The following ONECUT2 variants were observed in gnomAD, a reference collection of about 807,000 sequenced individuals.
ONECUT2 encodes the protein one cut domain family member 2.
A neutral mutation model predicts 27.9 loss-of-function variants in ONECUT2; 10 were observed. The ratio of observed to expected loss-of-function variants is 0.36; its 90% CI spans 0.22 to 0.61. The LOEUF is 0.61. Ranked by LOEUF, ONECUT2 falls within the 20% of genes least tolerant of loss-of-function variation. The probability of loss-of-function intolerance (pLI) is 0.73; values close to 1 mark genes in which losing one functional copy is unlikely to be tolerated. For synonymous variants in ONECUT2, 334 were observed against 315.1 expected (o/e 1.06, Z -0.64); for missense variants, 686 against 721.0 (o/e 0.95, Z 0.56).
In ONECUT2 at chr18:57,487,112, G is replaced by A. The variant is rs1171344960; in HGVS notation, c.*10389G>A. ...AAATGTACACAGTTCAGCCTCAGACGGTGGTAATATTGGTTTTATTGGGAG... is the reference window on the plus strand; with the variant it reads ...AAATGTACACAGTTCAGCCTCAGACAGTGGTAATATTGGTTTTATTGGGAG... On this transcript the variant is annotated 3_prime_UTR_variant, in exon 2 of 2. Transcript: ENST00000491143. The A allele has an allele frequency of 2.0e-5, 3 of 152,558 alleles. No individual in the cohort carries two copies. The highest frequency in any genetic ancestry group is 2.9e-5 in the Non-Finnish European group (2 of 68,020). The allele number at this position is 152,558 out of a possible 1,614,324, so 9.5% of individuals were successfully genotyped here. A position where few individuals can be genotyped will look rare whatever the true frequency, so the allele number is the denominator to read the frequency against.
rs140085823 is a variant in ONECUT2, at chr18:57,439,790, G to GC, written c.1228+2852dup. The stretch of plus-strand genomic sequence containing the variant: ...CCGGTGCCTGGAAGACACCGTCCCT[G>GC]CCCCCCTCCCGCCAAACCTGCCTCT... On this transcript the variant is annotated intron_variant, in intron 1 of 1. Transcript: ENST00000491143. 7.7e-3 allele frequency among the ~76,000 whole-genome samples: 1,174 copies of GC among 152,280 alleles called. 16 individuals carry two copies. The highest frequency in any genetic ancestry group is 0.027 in the African/African-American group (1,131 of 41,558).
intron 1 of ONECUT2, among the ~76,000 whole-genome samples, chr18:57,468,521 T>G (rs1017826259): frequency 6.6e-6 from 1 of 152,126 alleles, no homozygotes; most frequent in Non-Finnish European, 1.5e-5. Context: ...TTTCCAAAAT[T>G]TAGGGAGCAC....
chr18:57,449,376 T>C (rs2050217560), intron 1 of ONECUT2, among the ~76,000 whole-genome samples: 2 of 152,228 alleles, frequency 1.3e-5, no homozygotes, highest in Admixed American at 1.3e-4. Context: ...ACCCATTGTA[T>C]TTCCCCCATA....
chr18:57,474,630 T>C (rs1334118164), intron 1 of ONECUT2, among the ~76,000 whole-genome samples: 2 of 152,144 alleles, frequency 1.3e-5, no homozygotes, highest in East Asian at 1.9e-4. Context: ...TCCAACTTTA[T>C]GGCCCAATCA....
chr18:57,475,056 A>ATG lies in ONECUT2; in HGVS notation c.1229-1380_1229-1379insGT, dbSNP rs1555675330. 5.3e-4 allele frequency among the ~76,000 whole-genome samples: 66 copies of ATG among 125,530 alleles called. 1 individual carries two copies. The highest frequency in any genetic ancestry group is 9.3e-4 in the Non-Finnish European group (58 of 62,676). The allele number at this position is 125,530 out of a possible 152,430, so 82.4% of individuals were successfully genotyped here. A position where few individuals can be genotyped will look rare whatever the true frequency, so the allele number is the denominator to read the frequency against. ...GGGGAGCTGGGACTTATTTCAAGTGATTTTTTTTTTTTTTTTTTGAGATGG... is the reference window on the plus strand; with the variant it reads ...GGGGAGCTGGGACTTATTTCAAGTGATGTTTTTTTTTTTTTTTTTTGAGATGG... On this transcript the variant is annotated intron_variant, in intron 1 of 1. Coordinates refer to ENST00000491143, the MANE Select transcript of ONECUT2 (RefSeq NM_004852.3).
At chr18:57,439,706 G>A (rs1257387656) in intron 1 of ONECUT2, among the ~76,000 whole-genome samples, 1 of 152,224 alleles carries the variant, frequency 6.6e-6, no homozygotes, top group African/African-American at 2.4e-5. Context: ...CCTCGCCGTT[G>A]GGCCCCGGGG....
In ONECUT2 at chr18:57,436,326, C is replaced by T; in HGVS notation, c.610C>T (p.Leu204Phe). 6.2e-7 allele frequency: 1 copy of T among 1,604,628 alleles called. No individual in the cohort carries two copies. The highest frequency in any genetic ancestry group is 8.5e-7 in the Non-Finnish European group (1 of 1,179,782). Residue 204 changes from leucine (L) to phenylalanine (F), a missense_variant, in exon 1 of 2, where the codon CTC (leucine) becomes TTC (phenylalanine). This residue lies in a region of ONECUT2 where 511 missense variants were observed against 488.1 expected (regional missense o/e 1.05). Coordinates refer to ENST00000491143, the MANE Select transcript of ONECUT2 (RefSeq NM_004852.3). This position sits in a 1 kb window ranked among gnomAD's most constrained non-coding sequence, Gnocchi z 5.9. ...CACCCTCATGCGCGACGAGCGCGGG[C>T]TCCCGGCCATGAACAACCTCTACAG... is the stretch of plus-strand genomic sequence containing the variant. ...SFTLMRDERG[L>F]PAMNNLYSPY...
At chr18:57,444,018 C>A (rs147236145) in intron 1 of ONECUT2, among the ~76,000 whole-genome samples, 1 of 152,282 alleles carries the variant, frequency 6.6e-6, no homozygotes, top group East Asian at 1.9e-4. Context: ...AAAATAATTT[C>A]TCTGTAACTG....
In ONECUT2 at chr18:57,436,456, C is replaced by G; in HGVS notation, c.740C>G (p.Pro247Arg). Residue 247 changes from proline to arginine, a missense_variant, in exon 1 of 2, where the codon CCC becomes CGC. Coordinates refer to ENST00000491143, the MANE Select transcript of ONECUT2 (RefSeq NM_004852.3). This position sits in a 1 kb window ranked among gnomAD's most constrained non-coding sequence, Gnocchi z 5.9. ...GGLHNAQQSL[P>R]NYGPPGHDKM... ...CTCCACAACGCGCAGCAGAGTCTGC[C>G]CAACTACGGTCCGCCGGGCCACGAC... 6.2e-7 allele frequency: 1 copy of G among 1,613,032 alleles called. No homozygotes were observed. The highest frequency in any genetic ancestry group is 8.5e-7 in the Non-Finnish European group (1 of 1,179,822).
At chr18:57,459,332 T>C (rs934972516) in intron 1 of ONECUT2, among the ~76,000 whole-genome samples, 9 of 152,066 alleles carry the variant, frequency 5.9e-5, no homozygotes, top group African/African-American at 2.2e-4. Context: ...TGAACAAAGA[T>C]GAGGAGGGTC....
At chr18:57,467,202 G>A (rs768205368) in intron 1 of ONECUT2, 17 of 456,362 alleles carry the variant, frequency 3.7e-5, no homozygotes, top group East Asian at 6.9e-5. Context: ...GTCGCTGTGC[G>A]GTCTGCCTCC....
chr18:57,443,146 T>A (rs1300635371), intron 1 of ONECUT2, among the ~76,000 whole-genome samples: 1 of 152,130 alleles, frequency 6.6e-6, no homozygotes, highest in Non-Finnish European at 1.5e-5. Context: ...TGAAAAGTGG[T>A]ATCATGGAGG....
In ONECUT2 at chr18:57,484,954, T is replaced by C. The variant is rs2050431579; in HGVS notation, c.*8231T>C. ...TCAGCTGTAAAATTAGTCACAAGCA[T>C]TTTCAGTGTCCCATTAGTACATAGT... On this transcript the variant is annotated 3_prime_UTR_variant, in exon 2 of 2. Coordinates refer to ENST00000491143, the MANE Select transcript of ONECUT2 (RefSeq NM_004852.3). 1 of 152,138 alleles carries C rather than the reference T, an allele frequency of 6.6e-6. No individual in the cohort carries two copies. Among genetic ancestry groups the C allele is most frequent in the Non-Finnish European group, 1.5e-5 (1 of 68,026 alleles). 9.4% of individuals were successfully genotyped at this position (152,138 alleles called of 1,614,324 possible).
At chr18:57,456,845 A>G (rs1039772374) in intron 1 of ONECUT2, among the ~76,000 whole-genome samples, 3 of 152,238 alleles carry the variant, frequency 2.0e-5, no homozygotes, top group Non-Finnish European at 4.4e-5. Flanking sequence ...GTGCGGTGGC[A>G]TGTACCTGCA....
At chr18:57,453,555 C>A (rs184453583) in intron 1 of ONECUT2, among the ~76,000 whole-genome samples, 3 of 532 alleles carry the variant, frequency 5.6e-3, no homozygotes, top group African/African-American at 8.6e-3. Context: ...CTCACAGTTC[C>A]CCTGAATGTG....
intron 1 of ONECUT2, among the ~76,000 whole-genome samples, chr18:57,451,437 G>T (rs958836405): frequency 2.2e-4 from 34 of 152,132 alleles, no homozygotes; most frequent in African/African-American, 8.0e-4. Flanking sequence ...TCCCTGAAGG[G>T]CCTTAGACTC....
chr18:57,455,291 G>A (rs563060268), intron 1 of ONECUT2, among the ~76,000 whole-genome samples: 2 of 152,154 alleles, frequency 1.3e-5, no homozygotes, highest in South Asian at 4.1e-4. Context: ...AAAACCTGTA[G>A]ACATCCAGAT....
chr18:57,450,851 TTTTTA>T (rs1295016258), intron 1 of ONECUT2, among the ~76,000 whole-genome samples: 1 of 152,202 alleles, frequency 6.6e-6, no homozygotes, highest in Non-Finnish European at 1.5e-5. Context: ...TATTTTTATC[TTTTTA>T]TTTTATTTTA....
intron 1 of ONECUT2, among the ~76,000 whole-genome samples, chr18:57,469,898 T>A (rs552536411): frequency 6.6e-6 from 1 of 152,328 alleles, no homozygotes; most frequent in African/African-American, 2.4e-5. Context: ...CTGCAGCTGA[T>A]AAGTGGCTGA....
Sources: allele counts gnomAD v4.1 joint callset (sites outside exome capture counted in the v4.1 genomes callset), GRCh38; gene constraint gnomAD v4.1.1; regional missense constraint gnomAD v4.1.1; non-coding constraint Gnocchi (gnomAD v3.1); transcripts MANE v1.5; gene names NCBI Gene and HGNC (gene_info 2026-07-23, HGNC 2026-07-21).